The following RALYL variants were observed in gnomAD, a reference collection of about 807,000 sequenced individuals.
The protein encoded by RALYL is RNA-binding Raly-like protein.
A neutral mutation model predicts 35.1 loss-of-function variants in RALYL; 29 were observed. That is an observed-to-expected ratio of 0.83 (90% CI 0.61 to 1.13). RALYL has a LOEUF of 1.13. Ranked by LOEUF, RALYL falls within the 50% of genes most tolerant of loss-of-function variation. The pLI is 0.00. For missense variants in RALYL, 359 were observed against 360.4 expected, an observed-to-expected ratio of 1.00 and a Z score of 0.03; for synonymous variants, 120 against 127.6, an observed-to-expected ratio of 0.94 and a Z score of 0.40.
intron 2 of RALYL, among the ~76,000 whole-genome samples, chr8:84,675,452 T>A (rs1834015102): frequency 6.6e-6 from 1 of 152,110 alleles, no homozygotes; most frequent in South Asian, 2.1e-4. Context: ...TAGACCTAAT[T>A]CCCCAAATAT....
chr8:84,193,053 C>CT (rs899732940), intron 1 of RALYL, among the ~76,000 whole-genome samples: 2 of 151,932 alleles, frequency 1.3e-5, no homozygotes, highest in South Asian at 2.1e-4. Flanking sequence ...GTTGAATAGT[C>CT]TATTAGTTGC....
At chr8:84,781,285 C>T (rs923817511) in intron 3 of RALYL, among the ~76,000 whole-genome samples, 2 of 152,134 alleles carry the variant, frequency 1.3e-5, no homozygotes, top group African/African-American at 4.8e-5. Flanking sequence ...GATTATTTTA[C>T]TTATAGTATG....
chr8:84,420,242 C>G (rs999108245), intron 1 of RALYL, among the ~76,000 whole-genome samples: 5 of 152,092 alleles, frequency 3.3e-5, no homozygotes, highest in African/African-American at 1.2e-4. Context: ...GCCATTCTAA[C>G]TGGTGTGAGA....
chr8:84,530,214 T>C (rs1271025596), intron 2 of RALYL, among the ~76,000 whole-genome samples: 2 of 152,098 alleles, frequency 1.3e-5, no homozygotes, highest in Non-Finnish European at 2.9e-5. Context: ...TTATAATTAA[T>C]GTGTAGATAA....
intron 2 of RALYL, among the ~76,000 whole-genome samples, chr8:84,606,151 A>G (rs535625245): frequency 6.6e-6 from 1 of 151,988 alleles, no homozygotes; most frequent in African/African-American, 2.4e-5. Flanking sequence ...CCCTATTCCT[A>G]TGGTGCTCTT....
At chr8:84,338,163 TA>T (rs112811800) in intron 1 of RALYL, among the ~76,000 whole-genome samples, 3,370 of 148,578 alleles carry the variant, frequency 0.023, 122 homozygotes, top group African/African-American at 0.077. Context: ...TCCTCCATCT[TA>T]AAAAAAAAAC....
At chr8:84,871,937 T>C (rs992649328) in intron 6 of RALYL, among the ~76,000 whole-genome samples, 1 of 127,836 alleles carries the variant, frequency 7.8e-6, no homozygotes, top group African/African-American at 2.5e-5. Context: ...ATTTTGTTTT[T>C]GTTTTTTTAT....
intron 1 of RALYL, among the ~76,000 whole-genome samples, chr8:84,249,561 A>G: frequency 6.6e-6 from 1 of 152,148 alleles, no homozygotes; most frequent in Non-Finnish European, 1.5e-5. Context: ...TAAAAGCCAA[A>G]ACACAATTAC....
At chr8:84,702,531 T>TCC (rs1237691309) in intron 2 of RALYL, among the ~76,000 whole-genome samples, 1 of 141,320 alleles carries the variant, frequency 7.1e-6, no homozygotes, top group Non-Finnish European at 1.5e-5. Flanking sequence ...TCTCTCTCTC[T>TCC]CTCTCTCTCA....
intron 2 of RALYL, among the ~76,000 whole-genome samples, chr8:84,545,333 A>G (rs13250018): frequency 0.29 from 44,188 of 152,038 alleles, 7,980 homozygotes; most frequent in South Asian, 0.5. Context: ...ATTGGAGAAG[A>G]GTAGTTTTAT....
intron 1 of RALYL, among the ~76,000 whole-genome samples, chr8:84,302,314 G>T (rs1253408816): frequency 2.0e-5 from 3 of 151,930 alleles, no homozygotes; most frequent in Non-Finnish European, 2.9e-5. Flanking sequence ...ACCTTTCCTT[G>T]GTCCCTTATT....
chr8:84,886,061 A>T (rs1169607173), intron 7 of RALYL, among the ~76,000 whole-genome samples: 1 of 152,144 alleles, frequency 6.6e-6, no homozygotes, highest in Non-Finnish European at 1.5e-5. Context: ...GGTAAGTAAC[A>T]AAGCTAGAGC....
chr8:84,191,007 T>C (rs1430336480), intron 1 of RALYL, among the ~76,000 whole-genome samples: 3 of 151,782 alleles, frequency 2.0e-5, no homozygotes, highest in Middle Eastern at 3.2e-3. Flanking sequence ...GAGCTAATGC[T>C]GCATAGGCTC....
intron 1 of RALYL, among the ~76,000 whole-genome samples, chr8:84,191,647 C>T (rs1264450940): frequency 1.3e-5 from 2 of 152,214 alleles, no homozygotes; most frequent in East Asian, 3.9e-4. Flanking sequence ...CAAGTGCTAG[C>T]TTGAAGGGCC....
intron 1 of RALYL, among the ~76,000 whole-genome samples, chr8:84,453,145 T>C (rs2049706990): frequency 6.6e-6 from 1 of 152,010 alleles, no homozygotes; most frequent in Admixed American, 6.6e-5. Context: ...TTTAAACACA[T>C]GTGTATATGT....
chr8:84,687,240 A>G (rs1836992949), intron 2 of RALYL, among the ~76,000 whole-genome samples: 1 of 152,160 alleles, frequency 6.6e-6, no homozygotes, highest in Non-Finnish European at 1.5e-5. Context: ...ATCAATTAAT[A>G]GTCACTTATT....
intron 1 of RALYL, among the ~76,000 whole-genome samples, chr8:84,277,661 G>T (rs1304277078): frequency 6.6e-6 from 1 of 152,182 alleles, no homozygotes; most frequent in Non-Finnish European, 1.5e-5. Flanking sequence ...TACAGGCATT[G>T]GATAAATACA....
At chr8:84,806,144 A>G (rs759834133) in intron 4 of RALYL, among the ~76,000 whole-genome samples, 1 of 152,180 alleles carries the variant, frequency 6.6e-6, no homozygotes, top group Non-Finnish European at 1.5e-5. Context: ...AGCCACTCAA[A>G]TCATGGAAAT....
chr8:84,768,319 C>G (rs543325668), intron 2 of RALYL, among the ~76,000 whole-genome samples: 17 of 152,188 alleles, frequency 1.1e-4, no homozygotes, highest in Middle Eastern at 3.4e-3. Flanking sequence ...TCCTGAATAC[C>G]CAATTAATCT....
Sources: allele counts gnomAD v4.1 joint callset (sites outside exome capture counted in the v4.1 genomes callset), GRCh38; gene constraint gnomAD v4.1.1; transcripts MANE v1.5; gene names NCBI Gene and HGNC (gene_info 2026-07-23, HGNC 2026-07-21).